The following IGF1R variants were observed in gnomAD, a reference collection of about 807,000 sequenced individuals.
The protein encoded by IGF1R is insulin-like growth factor 1 receptor.
IGF1R carries 44 observed loss-of-function variants against 144.6 expected under a neutral mutation model. That is an observed-to-expected ratio of 0.30 (90% CI 0.24 to 0.39). The LOEUF (loss-of-function observed/expected upper bound fraction) is 0.39. Ranked by LOEUF, IGF1R falls within the 10% of genes least tolerant of loss-of-function variation. The probability of loss-of-function intolerance (pLI) is 1.00; values close to 1 mark genes in which losing one functional copy is unlikely to be tolerated. For synonymous variants in IGF1R, 795 were observed against 722.8 expected (o/e 1.10, Z -1.60); for missense variants, 1,355 against 1,833.7 (o/e 0.74, Z 4.77).
intron 6 of IGF1R, among the ~76,000 whole-genome samples, chr15:98,909,414 A>G (rs190368865): frequency 2.1e-4 from 32 of 151,778 alleles, no homozygotes; most frequent in Non-Finnish European, 3.7e-4. Context: ...ACCTGCCACC[A>G]TGCCCAGCTA....
At chr15:98,781,152 G>C (rs570064618) in intron 2 of IGF1R, among the ~76,000 whole-genome samples, 1 of 152,090 alleles carries the variant, frequency 6.6e-6, no homozygotes, top group Admixed American at 6.5e-5. Flanking sequence ...TAAATGAAGC[G>C]AAATGCCATT....
chr15:98,930,623 T>A (rs2015903173), intron 15 of IGF1R, among the ~76,000 whole-genome samples: 1 of 152,084 alleles, frequency 6.6e-6, no homozygotes, highest in Admixed American at 6.5e-5. Flanking sequence ...AACAGCTTTT[T>A]AATTGTTAAC....
At chr15:98,770,777 C>G (rs547816070) in intron 2 of IGF1R, among the ~76,000 whole-genome samples, 10 of 152,082 alleles carry the variant, frequency 6.6e-5, no homozygotes, top group Non-Finnish European at 1.5e-4. Flanking sequence ...TGTCCTGGTT[C>G]TACTTGCCGG....
chr15:98,723,091 G>A (rs1389954340), intron 2 of IGF1R, among the ~76,000 whole-genome samples: 1 of 151,970 alleles, frequency 6.6e-6, no homozygotes. Context: ...AGAGTTTTAT[G>A]ATAAAATGTC....
chr15:98,715,289 CT>C (rs2054087482), intron 2 of IGF1R, among the ~76,000 whole-genome samples: 1 of 152,220 alleles, frequency 6.6e-6, no homozygotes. Context: ...GCCTCAAAGA[CT>C]TTGCTTTTGG....
rs531300725 is a variant in IGF1R at position 98,928,500 on chromosome 15, A to G, written c.2783-1058A>G. Among the ~76,000 whole-genome samples, 3 of 152,322 alleles carry G rather than the reference A, an allele frequency of 2.0e-5. No homozygotes were observed. In the South Asian group the frequency reaches 6.2e-4, roughly 32 times the overall value. On this transcript the variant is annotated intron_variant, in intron 13 of 20. Coordinates refer to ENST00000650285, the MANE Select transcript of IGF1R (RefSeq NM_000875.5). The stretch of plus-strand genomic sequence containing the variant: ...TCGCTGACTCCTTTTAATCTGCAGA[A>G]TGAGGGTGAAACTGCTTAGCTTGGG...
chr15:98,653,041 T>G (rs1159282284), intron 1 of IGF1R, among the ~76,000 whole-genome samples: 1 of 152,104 alleles, frequency 6.6e-6, no homozygotes, highest in Non-Finnish European at 1.5e-5. Context: ...TGTCTCTCTC[T>G]CTTTTCATTT....
chr15:98,795,735 C>G (rs1292566113), intron 2 of IGF1R, among the ~76,000 whole-genome samples: 2 of 152,150 alleles, frequency 1.3e-5, no homozygotes, highest in African/African-American at 4.8e-5. Context: ...TATAGAAAAT[C>G]TCTCTAATTT....
At chr15:98,689,592 A>C (rs1490269613) in intron 1 of IGF1R, among the ~76,000 whole-genome samples, 1 of 152,092 alleles carries the variant, frequency 6.6e-6, no homozygotes, top group Admixed American at 6.6e-5. Context: ...TAGATTGATT[A>C]ATCAGAAAGT....
At chr15:98,894,976 A>G (rs2014107741) in intron 3 of IGF1R, among the ~76,000 whole-genome samples, 1 of 151,176 alleles carries the variant, frequency 6.6e-6, no homozygotes. Context: ...AGCTGAGATC[A>G]TGCCGCTGCA....
Position 98,957,900 on chromosome 15 carries a change from G to A in IGF1R, c.*458G>A, listed in dbSNP as rs35109554. 446 of 241,860 alleles carry A rather than the reference G, an allele frequency of 1.8e-3. 2 individuals carry two copies. The highest frequency in any genetic ancestry group is 8.8e-3 in the African/African-American group (404 of 45,650). The allele number at this position is 241,860 out of a possible 1,614,324, so 15.0% of individuals were successfully genotyped here. ...CCACTGTACACACCCGCCTGACACCGTGGGTCATTACAAAAAAACACGTGG... is the reference window on the plus strand; with the variant it reads ...CCACTGTACACACCCGCCTGACACCATGGGTCATTACAAAAAAACACGTGG... On this transcript the variant is annotated 3_prime_UTR_variant, in exon 21 of 21. Coordinates refer to ENST00000650285, the MANE Select transcript of IGF1R (RefSeq NM_000875.5).
chr15:98,872,145 C>CT (rs2012817943), intron 2 of IGF1R, among the ~76,000 whole-genome samples: 1 of 152,176 alleles, frequency 6.6e-6, no homozygotes, highest in Admixed American at 6.5e-5. Context: ...CCAACCTGCA[C>CT]TAAATGAAGA....
intron 2 of IGF1R, among the ~76,000 whole-genome samples, chr15:98,785,024 T>TAC (rs1168111653): frequency 1.3e-5 from 2 of 152,072 alleles, no homozygotes; most frequent in African/African-American, 2.4e-5. Context: ...AGTTCATGTG[T>TAC]ATATATATAT....
chr15:98,678,015 G>A (rs576598576), intron 1 of IGF1R, among the ~76,000 whole-genome samples: 1 of 152,136 alleles, frequency 6.6e-6, no homozygotes, highest in African/African-American at 2.4e-5. Flanking sequence ...AATGTGTAAG[G>A]CATCTTTTGG....
intron 1 of IGF1R, among the ~76,000 whole-genome samples, chr15:98,653,842 T>G (rs1376841957): frequency 6.6e-6 from 1 of 152,238 alleles, no homozygotes; most frequent in Admixed American, 6.5e-5. Flanking sequence ...ACTTGTTGCC[T>G]TAGAGTTTTT....
chr15:98,789,680 T>C (rs1250745437), intron 2 of IGF1R, among the ~76,000 whole-genome samples: 1 of 152,180 alleles, frequency 6.6e-6, no homozygotes, highest in Non-Finnish European at 1.5e-5. Context: ...GCATTTCAAA[T>C]TGGATGATGC....
At chr15:98,661,429 C>T (rs1337431830) in intron 1 of IGF1R, among the ~76,000 whole-genome samples, 14 of 152,284 alleles carry the variant, frequency 9.2e-5, no homozygotes, top group Admixed American at 2.0e-4. Flanking sequence ...TCTCCTCTTC[C>T]GAGGAGTGGG....
intron 1 of IGF1R, among the ~76,000 whole-genome samples, chr15:98,663,486 T>C (rs1019510509): frequency 6.6e-6 from 1 of 152,234 alleles, no homozygotes; most frequent in Non-Finnish European, 1.5e-5. Flanking sequence ...AGGGGCATCA[T>C]GGATACCTGG....
rs546783324 is a variant in IGF1R at position 98,758,964 on chromosome 15, C to T, written c.640+50857C>T. Among the ~76,000 whole-genome samples the T allele has an allele frequency of 7.2e-5, 11 of 152,262 alleles. No individual in the cohort carries two copies. The South Asian group carries it at 1.2e-3, about 17-fold the overall frequency. On this transcript the variant is annotated intron_variant, in intron 2 of 20. Coordinates refer to ENST00000650285, the MANE Select transcript of IGF1R (RefSeq NM_000875.5). ...AGTTCTGAGAGTGGTGCTGCATCAG[C>T]GGGGCTGGATTGCCCTCAACTATAA... is the stretch of plus-strand genomic sequence containing the variant.
Sources: allele counts gnomAD v4.1 joint callset (sites outside exome capture counted in the v4.1 genomes callset), GRCh38; gene constraint gnomAD v4.1.1; transcripts MANE v1.5; gene names NCBI Gene and HGNC (gene_info 2026-07-23, HGNC 2026-07-21).